Variants in ATXN1 observed in about 807,000 individuals in gnomAD.
ATXN1 encodes ataxin 1.
ATXN1 carries 8 observed loss-of-function variants against 56.4 expected under a neutral mutation model. The observed-to-expected ratio is 0.14, with a 90% CI of 0.08 to 0.26. The LOEUF (loss-of-function observed/expected upper bound fraction) is 0.26, where lower values mean the gene tolerates loss of function less well. Among genes scored for constraint, ATXN1 ranks in the 10% least tolerant of loss-of-function variants. The probability of loss-of-function intolerance (pLI) is 1.00; values close to 1 mark genes in which losing one functional copy is unlikely to be tolerated. For synonymous variants in ATXN1, 514 were observed against 494.6 expected, an observed-to-expected ratio of 1.04 and a Z score of -0.52; for missense variants, 987 against 1,106.5, an observed-to-expected ratio of 0.89 and a Z score of 1.53.
At chr6:16,452,691 G>A (rs1759777248) in intron 6 of ATXN1, among the ~76,000 whole-genome samples, 1 of 152,106 alleles carries the variant, frequency 6.6e-6, no homozygotes, top group African/African-American at 2.4e-5. Flanking sequence ...TTTAAGTATC[G>A]ACATAAACCT....
chr6:16,651,129 A>G (rs949911757), intron 3 of ATXN1, among the ~76,000 whole-genome samples: 1 of 152,224 alleles, frequency 6.6e-6, no homozygotes, highest in African/African-American at 2.4e-5. Context: ...CACAGAAAGA[A>G]AAGACTTTAA....
intron 6 of ATXN1, among the ~76,000 whole-genome samples, chr6:16,449,490 T>C (rs1561900305): frequency 6.6e-6 from 1 of 152,056 alleles, no homozygotes; most frequent in Admixed American, 6.6e-5. Flanking sequence ...GGCTTATGAG[T>C]TTCTTCTTCT....
At chr6:16,652,440 G>GT (rs1305452661) in intron 3 of ATXN1, among the ~76,000 whole-genome samples, 4 of 152,140 alleles carry the variant, frequency 2.6e-5, no homozygotes, top group African/African-American at 9.6e-5. Context: ...ATTTTTTTCT[G>GT]TTTTCCTACC....
In ATXN1 at chr6:16,487,316, ATAGCATTTC is replaced by A. The variant is rs528630866; in HGVS notation, c.-298-1216_-298-1208del. Among the ~76,000 whole-genome samples, 895 of 152,260 alleles carry A rather than the reference ATAGCATTTC, an allele frequency of 5.9e-3. 3 individuals carry two copies. Among genetic ancestry groups the A allele is most frequent in the Middle Eastern group, 0.014 (4 of 294 alleles). Reference sequence around the variant, plus strand: ...AGTATTAGCATTGTGGGTGTCATTAATAGCATTTCTGAGGAAAAAAAACAAAAAAGAGTG... The same window carrying A: ...AGTATTAGCATTGTGGGTGTCATTAATGAGGAAAAAAAACAAAAAAGAGTG... On this transcript the variant is annotated intron_variant, in intron 5 of 7. Transcript: ENST00000436367.
At chr6:16,677,091 A>G (rs1758679089) in intron 2 of ATXN1, among the ~76,000 whole-genome samples, 3 of 152,008 alleles carry the variant, frequency 2.0e-5, no homozygotes. Context: ...TGGGAAATGT[A>G]AAAAGGAACA....
At chr6:16,390,255 C>T (rs562003174) in intron 6 of ATXN1, among the ~76,000 whole-genome samples, 1 of 152,110 alleles carries the variant, frequency 6.6e-6, no homozygotes. Context: ...TAATTCTCAC[C>T]TCTGAATGCT....
At chr6:16,473,317 G>A (rs138225483) in intron 6 of ATXN1, among the ~76,000 whole-genome samples, 29 of 152,202 alleles carry the variant, frequency 1.9e-4, no homozygotes, top group African/African-American at 5.8e-4. Flanking sequence ...CAAACGTACC[G>A]GTGAAAACCA....
intron 6 of ATXN1, among the ~76,000 whole-genome samples, chr6:16,457,104 A>G (rs1314736654): frequency 6.6e-6 from 1 of 152,186 alleles, no homozygotes; most frequent in Non-Finnish European, 1.5e-5. Context: ...TAAGGTCCTA[A>G]TAACAACAGG....
chr6:16,633,824 G>A (rs770159402), intron 3 of ATXN1, among the ~76,000 whole-genome samples: 10 of 152,208 alleles, frequency 6.6e-5, no homozygotes, highest in Non-Finnish European at 1.3e-4. Context: ...ATTCGGTAAA[G>A]ACAGTCCAAG....
intron 6 of ATXN1, among the ~76,000 whole-genome samples, chr6:16,358,612 G>A (rs892964820): frequency 1.2e-4 from 18 of 152,356 alleles, no homozygotes; most frequent in African/African-American, 4.1e-4. Context: ...TGCGCGGCTG[G>A]TGCTGCATAC....
chr6:16,661,887 C>T (rs1188149522), intron 2 of ATXN1, among the ~76,000 whole-genome samples: 4 of 152,148 alleles, frequency 2.6e-5, no homozygotes, highest in African/African-American at 7.2e-5. Flanking sequence ...AACTTGACTA[C>T]AACCTCATGA....
intron 6 of ATXN1, among the ~76,000 whole-genome samples, chr6:16,336,544 C>G (rs759777435): frequency 2.0e-5 from 3 of 152,144 alleles, no homozygotes; most frequent in Non-Finnish European, 4.4e-5. Flanking sequence ...TGATCCAGGC[C>G]ATAGGAGTGG....
Position 16,410,801 on chromosome 6 carries a change from T to C in ATXN1, c.-161+75171A>G, listed in dbSNP as rs145806368. ...CCTCTTAGTGTAGCAGTACGTATTT[T>C]GAATGAGAACGGCCAGTGCTAAAGA... On this transcript the variant is annotated intron_variant, in intron 6 of 7. Coordinates refer to ENST00000436367, the MANE Select transcript of ATXN1 (RefSeq NM_001128164.2). This position sits in a 1 kb window ranked among gnomAD's most constrained non-coding sequence, Gnocchi z 4.6. Among the ~76,000 whole-genome samples, 161 of 152,254 alleles carry C rather than the reference T, an allele frequency of 1.1e-3. No homozygotes were observed. The highest frequency in any genetic ancestry group is 3.5e-3 in the African/African-American group (144 of 41,560).
chr6:16,489,323 C>T (rs1283873720), intron 5 of ATXN1, among the ~76,000 whole-genome samples: 1 of 152,108 alleles, frequency 6.6e-6, no homozygotes, highest in Non-Finnish European at 1.5e-5. Context: ...TGCTTTAAGC[C>T]CATTTCACCT....
intron 5 of ATXN1, among the ~76,000 whole-genome samples, chr6:16,489,835 G>A (rs551440385): frequency 1.5e-4 from 23 of 152,220 alleles, no homozygotes; most frequent in African/African-American, 5.5e-4. Context: ...GGAAAGAAAC[G>A]AATAGAAATG....
chr6:16,477,327 A>T (rs1169949409), intron 6 of ATXN1, among the ~76,000 whole-genome samples: 2 of 152,244 alleles, frequency 1.3e-5, no homozygotes, highest in East Asian at 3.8e-4. Context: ...GCCACTTTGG[A>T]CAGGGACTTT....
chr6:16,577,472 C>T (rs753798103), intron 4 of ATXN1, among the ~76,000 whole-genome samples: 4 of 147,102 alleles, frequency 2.7e-5, no homozygotes, highest in African/African-American at 1.0e-4. Flanking sequence ...TGCAGTGAGC[C>T]GAGATCGTGC....
chr6:16,437,540 A>C (rs1475033961), intron 6 of ATXN1, among the ~76,000 whole-genome samples: 1 of 152,208 alleles, frequency 6.6e-6, no homozygotes, highest in East Asian at 1.9e-4. Flanking sequence ...GGTGGCTGGG[A>C]ATTAAAAGGA....
intron 4 of ATXN1, among the ~76,000 whole-genome samples, chr6:16,536,033 C>T (rs1374065898): frequency 2.6e-5 from 4 of 151,944 alleles, no homozygotes; most frequent in African/African-American, 9.7e-5. Flanking sequence ...AAAACCCTGA[C>T]TCTACCAAAA....
Sources: allele counts gnomAD v4.1 joint callset (sites outside exome capture counted in the v4.1 genomes callset), GRCh38; gene constraint gnomAD v4.1.1; non-coding constraint Gnocchi (gnomAD v3.1); transcripts MANE v1.5; gene names NCBI Gene and HGNC (gene_info 2026-07-23, HGNC 2026-07-21).